The following TRERF1 variants were observed in gnomAD, a reference collection of about 807,000 sequenced individuals.
The protein encoded by TRERF1 is transcriptional regulating factor 1, also known as transcriptional-regulating factor 1.
A neutral mutation model predicts 122.9 loss-of-function variants in TRERF1; 27 were observed. The observed-to-expected ratio is 0.22, with a 90% confidence interval of 0.16 to 0.30. The LOEUF (loss-of-function observed/expected upper bound fraction) is 0.30, where lower values mean the gene tolerates loss of function less well. TRERF1 is among the 10% of genes least tolerant of loss of function. TRERF1 has a pLI of 1.00. For synonymous variants in TRERF1, 636 were observed against 641.7 expected (o/e 0.99, Z 0.13); for missense variants, 1,248 against 1,560.3 (o/e 0.80, Z 3.37).
intron 3 of TRERF1, among the ~76,000 whole-genome samples, chr6:42,319,581 G>T (rs772275510): frequency 2.8e-5 from 4 of 141,810 alleles, no homozygotes; most frequent in Non-Finnish European, 6.3e-5. Context: ...CAGCATTTTG[G>T]GGGGCTGAGG....
intron 4 of TRERF1, among the ~76,000 whole-genome samples, chr6:42,277,928 A>AAGAAGC (rs1781532679): frequency 6.8e-6 from 1 of 147,304 alleles, no homozygotes; most frequent in African/African-American, 2.6e-5. Context: ...GAAGAAGAAG[A>AAGAAGC]AGAAGAAGAA....
chr6:42,243,122 G>T, intron 15 of TRERF1, 126 bp downstream of exon 15: 1 of 754,422 alleles, frequency 1.3e-6, no homozygotes, highest in Non-Finnish European at 2.3e-6. Flanking sequence ...GGAGAGCTGG[G>T]CTGTTGTCAC....
chr6:42,449,456 G>A (rs550839391), intron 2 of TRERF1, among the ~76,000 whole-genome samples: 3 of 149,152 alleles, frequency 2.0e-5, no homozygotes, highest in Admixed American at 6.6e-5. Context: ...GAACATTCTC[G>A]GTAGAAGAGG....
intron 3 of TRERF1, among the ~76,000 whole-genome samples, chr6:42,321,289 G>A (rs1451291984): frequency 2.0e-5 from 3 of 151,784 alleles, no homozygotes; most frequent in Admixed American, 6.6e-5. Flanking sequence ...TAAAGTAGTA[G>A]AGGAAATCTC....
intron 2 of TRERF1, among the ~76,000 whole-genome samples, chr6:42,424,373 A>G (rs1470513837): frequency 2.6e-5 from 4 of 152,248 alleles, no homozygotes; most frequent in African/African-American, 7.2e-5. Context: ...TGCCAACATG[A>G]CAACACAAGT....
chr6:42,260,260 G>C (rs1300596805), intron 8 of TRERF1, among the ~76,000 whole-genome samples: 2 of 151,732 alleles, frequency 1.3e-5, no homozygotes, highest in African/African-American at 4.8e-5. Context: ...CAGGGGGGGA[G>C]AGCCTTCGAT....
chr6:42,307,536 T>C (rs554553169), intron 3 of TRERF1, among the ~76,000 whole-genome samples: 32 of 152,222 alleles, frequency 2.1e-4, no homozygotes, highest in African/African-American at 7.5e-4. Context: ...CAGGCCAGCC[T>C]CAGATGGACA....
chr6:42,312,561 C>CA (rs1298411810), intron 3 of TRERF1, among the ~76,000 whole-genome samples: 1 of 152,224 alleles, frequency 6.6e-6, no homozygotes, highest in Non-Finnish European at 1.5e-5. Flanking sequence ...CTTGGCCTCT[C>CA]AGAGTGGTTA....
intron 2 of TRERF1, among the ~76,000 whole-genome samples, chr6:42,397,688 C>A (rs1297213227): frequency 6.6e-6 from 1 of 152,208 alleles, no homozygotes; most frequent in Admixed American, 6.5e-5. Flanking sequence ...GGACACCCAG[C>A]CAATTGTGCC....
At chr6:42,233,107 T>C (rs950099946) in intron 16 of TRERF1, among the ~76,000 whole-genome samples, 179 bp from the exon 17 acceptor site, 2 of 151,902 alleles carry the variant, frequency 1.3e-5, no homozygotes, top group African/African-American at 4.8e-5. Flanking sequence ...ACTGCTACAA[T>C]CAGAAGAGAA....
intron 3 of TRERF1, among the ~76,000 whole-genome samples, chr6:42,360,770 TTAAA>T (rs58172441): frequency 0.067 from 4,261 of 63,714 alleles, 189 homozygotes; most frequent in East Asian, 0.35. Context: ...AGTGGAGAGA[TTAAA>T]AAAAAAAAAA....
At chr6:42,351,152 A>C (rs967815830) in intron 3 of TRERF1, among the ~76,000 whole-genome samples, 15 of 152,220 alleles carry the variant, frequency 9.9e-5, no homozygotes, top group Non-Finnish European at 2.1e-4. Context: ...CACGATAGTC[A>C]AGGATGCCCT....
At chr6:42,335,517 A>G (rs1765982161) in intron 3 of TRERF1, among the ~76,000 whole-genome samples, 2 of 152,202 alleles carry the variant, frequency 1.3e-5, no homozygotes, top group South Asian at 4.1e-4. Flanking sequence ...ACCCAGGCCA[A>G]TTGGATCTAG....
intron 3 of TRERF1, among the ~76,000 whole-genome samples, chr6:42,336,390 A>T (rs1766179999): frequency 6.6e-6 from 1 of 151,896 alleles, no homozygotes; most frequent in Non-Finnish European, 1.5e-5. Context: ...TCCCTGGAGG[A>T]GCTCCTTGCT....
At chr6:42,243,109 G>A (rs979180544) in intron 15 of TRERF1, 139 bp downstream of exon 15, 8 of 701,890 alleles carry the variant, frequency 1.1e-5, no homozygotes, top group Non-Finnish European at 2.0e-5. Flanking sequence ...CCTGAATCCT[G>A]CAGGAGAGCT....
chr6:42,330,673 T>G (rs989438458), intron 3 of TRERF1, among the ~76,000 whole-genome samples: 2 of 152,150 alleles, frequency 1.3e-5, no homozygotes, highest in Non-Finnish European at 2.9e-5. Flanking sequence ...ATTGTTGTAT[T>G]TTTTATTTTT....
chr6:42,311,326 T>C (rs1178076967), intron 3 of TRERF1, among the ~76,000 whole-genome samples: 2 of 152,098 alleles, frequency 1.3e-5, no homozygotes, highest in Non-Finnish European at 1.5e-5. Context: ...CTAAATGAAC[T>C]GGCTGAACCA....
At chr6:42,391,380 G>A (rs1777707855) in intron 2 of TRERF1, among the ~76,000 whole-genome samples, 1 of 152,172 alleles carries the variant, frequency 6.6e-6, no homozygotes, top group African/African-American at 2.4e-5. Context: ...CTAGGGTTAA[G>A]GACTGCCCTT....
At chr6:42,277,042 T>C (rs566602659) in intron 4 of TRERF1, among the ~76,000 whole-genome samples, 1 of 152,296 alleles carries the variant, frequency 6.6e-6, no homozygotes, top group East Asian at 1.9e-4. Flanking sequence ...CTGGCTGTAG[T>C]TCTTTACCAG....
Sources: gnomAD v4.1 joint callset for allele counts (sites outside exome capture counted in the v4.1 genomes callset) on GRCh38, gnomAD v4.1.1 for gene constraint, MANE v1.5 for transcripts, NCBI Gene and HGNC (gene_info 2026-07-23, HGNC 2026-07-21) for gene names.